Variants in POU2AF2 observed in about 807,000 individuals in gnomAD.
The protein encoded by POU2AF2 is POU domain class 2-associating factor 2.
At chr11:111,277,107 G>T in the POU2AF2 span, among the ~76,000 whole-genome samples, 1 of 152,200 alleles carries the variant, frequency 6.6e-6, no homozygotes, top group Non-Finnish European at 1.5e-5. Flanking sequence ...TAAATTAGAA[G>T]AGGGACAGTT....
At chr11:111,282,018 G>A in the POU2AF2 span, among the ~76,000 whole-genome samples, 1 of 152,084 alleles carries the variant, frequency 6.6e-6, no homozygotes, top group South Asian at 2.1e-4. Flanking sequence ...GAGCAATCGA[G>A]GATCCCGAAT....
At chr11:111,255,538 G>C in the POU2AF2 span, among the ~76,000 whole-genome samples, 1 of 152,158 alleles carries the variant, frequency 6.6e-6, no homozygotes, top group Non-Finnish European at 1.5e-5. Context: ...AACTCCTGCT[G>C]ACCTGCTCAC....
the POU2AF2 span, among the ~76,000 whole-genome samples, chr11:111,278,079 C>T: frequency 6.6e-6 from 1 of 152,116 alleles, no homozygotes; most frequent in Non-Finnish European, 1.5e-5. Flanking sequence ...ACAGGAAAAC[C>T]CATAAATCAA....
At chr11:111,250,231 T>C in the POU2AF2 span, among the ~76,000 whole-genome samples, 28 of 152,124 alleles carry the variant, frequency 1.8e-4, no homozygotes, top group African/African-American at 6.5e-4. Context: ...AATATGTCCT[T>C]TCCTTGTCAT....
the POU2AF2 span, chr11:111,281,298 T>C: frequency 1.0e-6 from 1 of 970,534 alleles, no homozygotes; most frequent in South Asian, 1.7e-5. Flanking sequence ...AGATAATACT[T>C]CTGAATATCA....
At chr11:111,270,922 T>C in the POU2AF2 span, among the ~76,000 whole-genome samples, 1 of 152,188 alleles carries the variant, frequency 6.6e-6, no homozygotes, top group Non-Finnish European at 1.5e-5. Flanking sequence ...CTGGGCTCTA[T>C]TCACCTATAA....
the POU2AF2 span, among the ~76,000 whole-genome samples, chr11:111,276,439 G>GAAAAAAAAAAAAAAAAAAAAAAAAAAAA: frequency 4.5e-5 from 2 of 44,448 alleles, no homozygotes; most frequent in African/African-American, 9.3e-5. Flanking sequence ...CTACTAAAAA[G>GAAAAAAAAAAAAAAAAAAAAAAAAAAAA]AAAAAAAAAA....
At chr11:111,262,038 AT>A in the POU2AF2 span, among the ~76,000 whole-genome samples, 1 of 152,198 alleles carries the variant, frequency 6.6e-6, no homozygotes, top group African/African-American at 2.4e-5. Flanking sequence ...TCAAATCAGT[AT>A]TACTTACAGT....
the POU2AF2 span, among the ~76,000 whole-genome samples, chr11:111,255,462 A>G: frequency 2.0e-5 from 3 of 152,212 alleles, no homozygotes; most frequent in African/African-American, 7.2e-5. Flanking sequence ...TTCAAAAACA[A>G]AACATTTATT....
the POU2AF2 span, among the ~76,000 whole-genome samples, chr11:111,267,595 C>T: frequency 6.6e-6 from 1 of 152,228 alleles, no homozygotes; most frequent in African/African-American, 2.4e-5. Flanking sequence ...CAGAATGCCA[C>T]TTCTTCCACT....
At chr11:111,274,652 T>TTTTATATAATTTATATAATATATAAA in the POU2AF2 span, among the ~76,000 whole-genome samples, 43 of 150,124 alleles carry the variant, frequency 2.9e-4, no homozygotes, top group South Asian at 6.3e-4. Flanking sequence ...CTTTGTGAGC[T>TTTTATATAATTTATATAATATATAAA]TTTATATAAT....
chr11:111,276,453 AATATATAT>A, the POU2AF2 span, among the ~76,000 whole-genome samples: 59 of 37,630 alleles, frequency 1.6e-3, no homozygotes, highest in African/African-American at 3.8e-3. Flanking sequence ...AAAAAAAAAA[AATATATAT>A]ATATATATAT....
At chr11:111,253,603 T>G in the POU2AF2 span, among the ~76,000 whole-genome samples, 1 of 152,208 alleles carries the variant, frequency 6.6e-6, no homozygotes, top group African/African-American at 2.4e-5. Context: ...TCTAGAACCC[T>G]CCTGACTGAT....
the POU2AF2 span, among the ~76,000 whole-genome samples, chr11:111,283,697 T>C: frequency 1.3e-5 from 2 of 152,130 alleles, no homozygotes; most frequent in African/African-American, 4.8e-5. Context: ...CAGTTCTATG[T>C]ATATGGAGAG....
the POU2AF2 span, among the ~76,000 whole-genome samples, chr11:111,280,034 C>G: frequency 1.2e-5 from 1 of 80,914 alleles, no homozygotes; most frequent in South Asian, 4.4e-4. Context: ...GAGTGAGACT[C>G]CATCTCAAAA....
chr11:111,260,214 C>T, the POU2AF2 span, among the ~76,000 whole-genome samples: 2 of 152,076 alleles, frequency 1.3e-5, no homozygotes, highest in African/African-American at 2.4e-5. Flanking sequence ...TCTCATATAT[C>T]GAGTAAGTTA....
At chr11:111,268,204 G>A in the POU2AF2 span, among the ~76,000 whole-genome samples, 3 of 152,192 alleles carry the variant, frequency 2.0e-5, no homozygotes, top group African/African-American at 4.8e-5. Context: ...TTGAATCTGT[G>A]ATGGGAAAAA....
At chr11:111,257,004 T>C in the POU2AF2 span, among the ~76,000 whole-genome samples, 1 of 152,254 alleles carries the variant, frequency 6.6e-6, no homozygotes, top group Non-Finnish European at 1.5e-5. Flanking sequence ...AATGTTTAAG[T>C]AGTTGCACCA....
chr11:111,248,129 G>C, the POU2AF2 span, among the ~76,000 whole-genome samples: 1 of 151,908 alleles, frequency 6.6e-6, no homozygotes, highest in African/African-American at 2.4e-5. Context: ...CTTGTGATCC[G>C]TGTGGCCTTT....
Sources: allele counts gnomAD v4.1 joint callset (sites outside exome capture counted in the v4.1 genomes callset), GRCh38; gene constraint gnomAD v4.1.1; transcripts MANE v1.5; gene names NCBI Gene and HGNC (gene_info 2026-07-23, HGNC 2026-07-21).